ZNF280D: variants seen among roughly 807,000 people sequenced by gnomAD.
ZNF280D encodes zinc finger protein 280D, also known as suppressor of hairy wing homolog 4.
Under a neutral mutation model 94.7 loss-of-function variants are expected in ZNF280D, and 39 were observed. That is an observed-to-expected ratio of 0.41 (90% CI 0.32 to 0.54). The LOEUF (loss-of-function observed/expected upper bound fraction) is 0.54. Ranked by LOEUF, ZNF280D falls within the 20% of genes least tolerant of loss-of-function variation. The probability of loss-of-function intolerance (pLI) is 0.22; values close to 1 mark genes in which losing one functional copy is unlikely to be tolerated. For missense variants in ZNF280D, 1,090 were observed against 1,149.3 expected, an observed-to-expected ratio of 0.95 and a Z score of 0.75; for synonymous variants, 398 against 377.6, an observed-to-expected ratio of 1.05 and a Z score of -0.63.
At chr15:56,711,597 G>C (rs2057761892) in intron 1 of ZNF280D, among the ~76,000 whole-genome samples, 1 of 152,134 alleles carries the variant, frequency 6.6e-6, no homozygotes, top group Non-Finnish European at 1.5e-5. Flanking sequence ...GGAGGCAGAG[G>C]TTGCAGTAGT....
chr15:56,647,062 T>C (rs1271835768), intron 19 of ZNF280D, among the ~76,000 whole-genome samples: 1 of 152,220 alleles, frequency 6.6e-6, no homozygotes, highest in Non-Finnish European at 1.5e-5. Flanking sequence ...AGGGAAGGTC[T>C]TGATTGCCAT....
intron 9 of ZNF280D, among the ~76,000 whole-genome samples, chr15:56,683,554 T>C (rs1325533958): frequency 2.0e-5 from 3 of 152,228 alleles, no homozygotes; most frequent in Non-Finnish European, 4.4e-5. Flanking sequence ...TAATGCCATA[T>C]ACTATAGTTT....
At chr15:56,658,695 G>A (rs530086378) in intron 16 of ZNF280D, among the ~76,000 whole-genome samples, 1 of 151,678 alleles carries the variant, frequency 6.6e-6, no homozygotes, top group Non-Finnish European at 1.5e-5. Flanking sequence ...TATTTTCCTA[G>A]GCATATTCTT....
At chr15:56,718,607 A>G (rs2058172908) in intron 1 of ZNF280D, among the ~76,000 whole-genome samples, 1 of 152,238 alleles carries the variant, frequency 6.6e-6, no homozygotes, top group Non-Finnish European at 1.5e-5. Context: ...ATACGAAAGA[A>G]AAATTTTCAC....
chr15:56,675,355 A>G (rs2055147597), intron 13 of ZNF280D, among the ~76,000 whole-genome samples: 1 of 152,034 alleles, frequency 6.6e-6, no homozygotes, highest in Admixed American at 6.6e-5. Context: ...TTAAAGTCCA[A>G]AGATGAAATA....
chr15:56,683,933 C>A (rs1160227956), intron 9 of ZNF280D, among the ~76,000 whole-genome samples: 1 of 152,062 alleles, frequency 6.6e-6, no homozygotes, highest in Non-Finnish European at 1.5e-5. Flanking sequence ...TAAAGGGGAC[C>A]CAGTGGTAAC....
chr15:56,723,287 T>C (rs921734065), intron 1 of ZNF280D, among the ~76,000 whole-genome samples: 9 of 152,078 alleles, frequency 5.9e-5, no homozygotes, highest in Non-Finnish European at 1.2e-4. Context: ...ATCAATACAA[T>C]GTAGCATTAT....
At chr15:56,715,284 T>A (rs1045964573) in intron 1 of ZNF280D, among the ~76,000 whole-genome samples, 14 of 152,212 alleles carry the variant, frequency 9.2e-5, no homozygotes, top group East Asian at 1.9e-4. Context: ...GCACTTTTTT[T>A]AAAAAATAAA....
At position 56,688,538 on chromosome 15, in the gene ZNF280D, A is replaced by T. The variant is rs541890018; in HGVS notation, c.780+503T>A. Among the ~76,000 whole-genome samples, 149 of 151,950 alleles carry T rather than the reference A, an allele frequency of 9.8e-4. 1 individual carries two copies. The highest frequency in any genetic ancestry group is 6.9e-3 in the Middle Eastern group (2 of 290). ...TCAAATTAATTTACACAATTATATG[A>T]ACTATATTCTGGACTGAGTTAAAAC... On this transcript the variant is annotated intron_variant, in intron 9 of 21. Coordinates refer to ENST00000267807, the MANE Select transcript of ZNF280D (RefSeq NM_017661.4).
At chr15:56,702,063 A>T (rs1221440623) in intron 4 of ZNF280D, among the ~76,000 whole-genome samples, 1 of 151,754 alleles carries the variant, frequency 6.6e-6, no homozygotes, top group East Asian at 1.9e-4. Context: ...TCTCATAAAA[A>T]TTTCTTTTAT....
chr15:56,723,039 G>A (rs1385569389), intron 1 of ZNF280D, among the ~76,000 whole-genome samples: 5 of 144,640 alleles, frequency 3.5e-5, no homozygotes, highest in African/African-American at 1.3e-4. Context: ...GAGATCACAT[G>A]GACACAGGAA....
At chr15:56,671,721 G>A (rs558530577) in intron 13 of ZNF280D, among the ~76,000 whole-genome samples, 1 of 152,188 alleles carries the variant, frequency 6.6e-6, no homozygotes, top group African/African-American at 2.4e-5. Flanking sequence ...GAATGTCCAT[G>A]GTAGTTTAAT....
At position 56,631,284 on chromosome 15, in the gene ZNF280D, G is replaced by GT; in HGVS notation, c.*213dup. The GT allele has an allele frequency of 2.1e-6, 1 of 479,090 alleles. No homozygotes were observed. Among genetic ancestry groups the GT allele is most frequent in the African/African-American group, 1.9e-5 (1 of 52,334 alleles). 29.7% of individuals were successfully genotyped at this position (479,090 alleles called of 1,614,324 possible). On this transcript the variant is annotated 3_prime_UTR_variant, in exon 22 of 22. Transcript: ENST00000267807. ...TAATTATCATTAAAATCCTGTTCGT[G>GT]TTTTTAAAAACTTTTTGGGAATCCC... is the stretch of plus-strand genomic sequence containing the variant.
Position 56,707,159 on chromosome 15 carries a change from T to C in ZNF280D, c.-41-9A>G, listed in dbSNP as rs2057458512. The C allele has an allele frequency of 1.2e-6, 2 of 1,612,844 alleles. No homozygotes were observed. Among genetic ancestry groups the C allele is most frequent in the African/African-American group, 2.7e-5 (2 of 74,918 alleles). The stretch of plus-strand genomic sequence containing the variant: ...AAATTGTCACCTAAGTACTGACACA[T>C]GATATCAGTCAATTTAATGAGTCAC... On this transcript the variant is annotated splice_polypyrimidine_tract_variant and intron_variant, in intron 2 of 21. Coordinates refer to ENST00000267807, the MANE Select transcript of ZNF280D (RefSeq NM_017661.4).
At chr15:56,676,571 T>C in intron 13 of ZNF280D, 99 bp downstream of exon 13, 1 of 1,098,582 alleles carries the variant, frequency 9.1e-7, no homozygotes, top group East Asian at 2.6e-5. Flanking sequence ...TTGGAACAAC[T>C]CTGCTTCTCT....
intron 16 of ZNF280D, among the ~76,000 whole-genome samples, chr15:56,664,229 T>TA (rs1249665222): frequency 1.3e-5 from 2 of 152,136 alleles, no homozygotes; most frequent in African/African-American, 4.8e-5. Flanking sequence ...GTGGGGGCAA[T>TA]ACTCAAAAGG....
At chr15:56,640,335 G>A (rs1418801680) in intron 20 of ZNF280D, among the ~76,000 whole-genome samples, 1 of 151,998 alleles carries the variant, frequency 6.6e-6, no homozygotes. Flanking sequence ...TGTTTCCCAG[G>A]CTGGTCTCTA....
chr15:56,677,635 T>C lies in ZNF280D; in HGVS notation c.1202A>G (p.His401Arg), dbSNP rs1038852523. 29 of 1,606,260 alleles carry C rather than the reference T, an allele frequency of 1.8e-5. No homozygotes were observed. The highest frequency in any genetic ancestry group is 2.4e-5 in the Non-Finnish European group (28 of 1,176,446). The change falls in exon 12 of 22, where the codon CAT becomes CGT. Residue 401 changes from histidine (H) to arginine (R), a missense_variant. By Grantham distance (29) the His-to-Arg change is conservative. Coordinates refer to ENST00000267807, the MANE Select transcript of ZNF280D (RefSeq NM_017661.4). The part of the protein sequence containing the change: ...KICELSFETE[H>R]VLLQHMKDNH... ...GTCCTTCATATGTTGTAAAAGAACA[T>C]GTTCTGTTTCAAATGACAATTCACA... is the stretch of plus-strand genomic sequence containing the variant.
At position 56,682,353 on chromosome 15, in the gene ZNF280D, A is replaced by G. The variant is rs1173491008; in HGVS notation, c.905T>C (p.Phe302Ser). 1 of 1,600,756 alleles carries G rather than the reference A, an allele frequency of 6.2e-7. No individual in the cohort carries two copies. The highest frequency in any genetic ancestry group is 1.4e-5 in the African/African-American group (1 of 73,956). The change falls in exon 10 of 22, where the codon TTT becomes TCT. Residue 302 changes from phenylalanine to serine, a missense_variant. Physicochemically the swap from Phe to Ser is radical, Grantham distance 155. Coordinates refer to ENST00000267807, the MANE Select transcript of ZNF280D (RefSeq NM_017661.4). ...KGKLIMLVND[F>S]YYGKHEGDVQ... is the part of the protein sequence containing the mutation. ...ATCTCCTTCATGTTTTCCATAATAA[A>G]AGTCATTAACTAACATGATCAATTT...
Sources: allele counts gnomAD v4.1 joint callset (sites outside exome capture counted in the v4.1 genomes callset), GRCh38; gene constraint gnomAD v4.1.1; transcripts MANE v1.5; gene names NCBI Gene and HGNC (gene_info 2026-07-23, HGNC 2026-07-21).